The following PDE1A variants were observed in gnomAD, a reference collection of about 807,000 sequenced individuals.
The protein encoded by PDE1A is phosphodiesterase 1A, also known as dual specificity calcium/calmodulin-dependent 3',5'-cyclic nucleotide phosphodiesterase 1A.
Under a neutral mutation model 61.7 loss-of-function variants are expected in PDE1A, and 35 were observed. The observed-to-expected ratio is 0.57, with a 90% confidence interval of 0.43 to 0.75. The LOEUF (loss-of-function observed/expected upper bound fraction) is 0.75, where lower values mean the gene tolerates loss of function less well. Ranked by LOEUF, PDE1A falls within the 30% of genes least tolerant of loss-of-function variation. The pLI, the probability that PDE1A is intolerant of heterozygous loss-of-function variation, is 0.00. For missense variants in PDE1A, 597 were observed against 630.6 expected (o/e 0.95, Z 0.57); for synonymous variants, 232 against 213.2 (o/e 1.09, Z -0.77).
chr2:182,684,448 A>C, the PDE1A span, among the ~76,000 whole-genome samples: 4 of 152,230 alleles, frequency 2.6e-5, no homozygotes, highest in Non-Finnish European at 4.4e-5. Context: ...CTCTGCTTTG[A>C]AGTAGAGACT....
chr2:182,364,465 G>GAAAAAAAAAA (rs1699697812), intron 1 of PDE1A, among the ~76,000 whole-genome samples: 1 of 12,940 alleles, frequency 7.7e-5, no homozygotes, highest in Non-Finnish European at 1.6e-4. Flanking sequence ...GAACACTTTG[G>GAAAAAAAAAA]TAAAAAAAAA....
the PDE1A span, among the ~76,000 whole-genome samples, chr2:182,553,008 CA>C: frequency 6.6e-6 from 1 of 152,216 alleles, no homozygotes; most frequent in East Asian, 1.9e-4. Flanking sequence ...GGCCCATTGC[CA>C]CTCCTGATCT....
intron 13 of PDE1A, among the ~76,000 whole-genome samples, chr2:182,150,887 C>T (rs16822745): frequency 0.032 from 4,948 of 152,260 alleles, 248 homozygotes; most frequent in African/African-American, 0.11. Flanking sequence ...TTACACCAAA[C>T]ACACTATCAA....
intron 10 of PDE1A, among the ~76,000 whole-genome samples, chr2:182,191,633 C>A (rs1367806803): frequency 6.7e-6 from 1 of 150,178 alleles, no homozygotes; most frequent in Non-Finnish European, 1.5e-5. Context: ...GCAAAAACCA[C>A]AATTATTTTT....
At chr2:182,378,890 A>G (rs1057407279) in intron 1 of PDE1A, among the ~76,000 whole-genome samples, 3 of 152,204 alleles carry the variant, frequency 2.0e-5, no homozygotes, top group African/African-American at 7.2e-5. Context: ...GGATTTTTAA[A>G]GGTCATTCTT....
the PDE1A span, among the ~76,000 whole-genome samples, chr2:182,621,504 C>T: frequency 4.6e-5 from 7 of 152,032 alleles, no homozygotes; most frequent in African/African-American, 1.2e-4. Flanking sequence ...GAATAATACC[C>T]GTTAATATCC....
At chr2:182,632,441 A>G in the PDE1A span, among the ~76,000 whole-genome samples, 1 of 152,168 alleles carries the variant, frequency 6.6e-6, no homozygotes, top group Non-Finnish European at 1.5e-5. Context: ...TTCAAAGATC[A>G]GCATAATACT....
chr2:182,587,919 T>C, the PDE1A span, among the ~76,000 whole-genome samples: 3 of 152,292 alleles, frequency 2.0e-5, no homozygotes, highest in South Asian at 6.2e-4. Context: ...GAAAACAACT[T>C]GATGTGACTT....
chr2:182,381,173 CTT>C (rs557957021), intron 1 of PDE1A, among the ~76,000 whole-genome samples: 17 of 143,108 alleles, frequency 1.2e-4, no homozygotes, highest in Admixed American at 1.4e-4. Flanking sequence ...TGAATGTGTA[CTT>C]TTTTTTTTTT....
chr2:182,278,936 CTTAAAGT>C lies in PDE1A; in HGVS notation c.54-14529_54-14523del, dbSNP rs577422188. Among the ~76,000 whole-genome samples the C allele has an allele frequency of 1.5e-3, 235 of 152,050 alleles. 1 individual carries two copies. The highest frequency in any genetic ancestry group is 5.5e-3 in the African/African-American group (228 of 41,532). ...AGGAACAGAAGCATTAATGTAAAAG[CTTAAAGT>C]TTAAATTCCAAGATTGAAGTTCATT... On this transcript the variant is annotated intron_variant, in intron 1 of 13. Coordinates refer to ENST00000351439, the Ensembl canonical transcript of PDE1A.
At chr2:182,371,847 C>T (rs1434293608) in intron 1 of PDE1A, among the ~76,000 whole-genome samples, 4 of 152,168 alleles carry the variant, frequency 2.6e-5, no homozygotes, top group South Asian at 2.1e-4. Flanking sequence ...TGCAGTGATG[C>T]CATCTTGGCT....
At chr2:182,553,182 C>T in the PDE1A span, among the ~76,000 whole-genome samples, 3 of 152,158 alleles carry the variant, frequency 2.0e-5, no homozygotes, top group Non-Finnish European at 2.9e-5. Context: ...CCTTGGAATC[C>T]GTGAGGCCAA....
At chr2:182,565,688 A>G in the PDE1A span, among the ~76,000 whole-genome samples, 2 of 152,280 alleles carry the variant, frequency 1.3e-5, no homozygotes, top group African/African-American at 2.4e-5. Context: ...TGGAAGAAAA[A>G]AAAAGAATCT....
chr2:182,665,017 T>C, the PDE1A span, among the ~76,000 whole-genome samples: 1 of 152,354 alleles, frequency 6.6e-6, no homozygotes, highest in African/African-American at 2.4e-5. Context: ...TTAAAGTTTA[T>C]AAACAATGTT....
chr2:182,489,952 A>G (rs574470080), intron 2 of PDE1A, among the ~76,000 whole-genome samples: 1 of 135,650 alleles, frequency 7.4e-6, no homozygotes, highest in East Asian at 2.1e-4. Context: ...TTAATCTGAG[A>G]ATTCAGCACT....
chr2:182,539,126 T>C, the PDE1A span, among the ~76,000 whole-genome samples: 1 of 152,194 alleles, frequency 6.6e-6, no homozygotes, highest in Non-Finnish European at 1.5e-5. Context: ...CTTTTTTCCA[T>C]TCCTTCAACA....
At chr2:182,587,001 G>T in the PDE1A span, among the ~76,000 whole-genome samples, 1 of 152,164 alleles carries the variant, frequency 6.6e-6, no homozygotes, top group African/African-American at 2.4e-5. Context: ...TGGCAGGGGT[G>T]GGGGGTGTAA....
the PDE1A span, among the ~76,000 whole-genome samples, chr2:182,688,160 T>G: frequency 6.6e-6 from 1 of 152,046 alleles, no homozygotes; most frequent in East Asian, 1.9e-4. Flanking sequence ...AACATTCAAA[T>G]TCAGGAAATA....
the PDE1A span, among the ~76,000 whole-genome samples, chr2:182,666,443 C>T: frequency 2.6e-5 from 4 of 151,648 alleles, no homozygotes; most frequent in Admixed American, 1.3e-4. Flanking sequence ...CATGGTGAAA[C>T]CCCATCAATA....
Sources: allele counts gnomAD v4.1 joint callset (sites outside exome capture counted in the v4.1 genomes callset), GRCh38; gene constraint gnomAD v4.1.1; transcripts MANE v1.5; gene names NCBI Gene and HGNC (gene_info 2026-07-23, HGNC 2026-07-21).